DBP: variants seen among roughly 807,000 people sequenced by gnomAD.
DBP encodes D site-binding protein.
In DBP, 12 loss-of-function variants were observed where a neutral mutation model predicts 21.4. The ratio of observed to expected loss-of-function variants is 0.56; its 90% CI spans 0.36 to 0.91. The LOEUF is 0.91. Ranked by LOEUF, DBP falls within the 40% of genes least tolerant of loss-of-function variation. DBP has a pLI of 0.01. For synonymous variants in DBP, 213 were observed against 224.9 expected, an observed-to-expected ratio of 0.95 and a Z score of 0.47; for missense variants, 423 against 473.4, an observed-to-expected ratio of 0.89 and a Z score of 0.99.
rs567875372 is a variant in DBP, at chr19:48,636,873, G to T, written c.122C>A (p.Pro41His). ...LRSLLQGTSKPKEPASCLLKE... is the reference protein window; with the variant it reads ...LRSLLQGTSKHKEPASCLLKE... ...GAACTCACAGCTGGCCGGCTCTTTG[G>T]GCTTGCTGGTCCCCTGCAGAAGGCT... The change falls in exon 1 of 4, where the codon CCC becomes CAC. Residue 41 changes from proline to histidine, a missense_variant. Transcript: ENST00000222122. The T allele has an allele frequency of 1.2e-6, 2 of 1,610,084 alleles. No homozygotes were observed. Among genetic ancestry groups the T allele is most frequent in the East Asian group, 4.5e-5 (2 of 44,574 alleles).
chr19:48,637,235 G>C lies in DBP; in HGVS notation c.-241C>G, dbSNP rs1160436648. 1 of 411,450 alleles carries C rather than the reference G, an allele frequency of 2.4e-6. No individual in the cohort carries two copies. The highest frequency in any genetic ancestry group is 2.1e-5 in the African/African-American group (1 of 48,436). The allele number at this position is 411,450 out of a possible 1,614,324, so 25.5% of individuals were successfully genotyped here. The stretch of plus-strand genomic sequence containing the variant: ...GATCATGCAATCTGGGCGAGGGGGT[G>C]TCCAGATCAAGCGGTCGGCTCTTTG... On this transcript the variant is annotated 5_prime_UTR_variant, in exon 1 of 4. Coordinates refer to ENST00000222122, the MANE Select transcript of DBP (RefSeq NM_001352.5).
At chr19:48,633,757 G>A (rs1328064525) in intron 2 of DBP, 102 bp from the exon 3 acceptor site, 45 of 993,900 alleles carry the variant, frequency 4.5e-5, no homozygotes, top group Non-Finnish European at 9.3e-6. Flanking sequence ...AAGTCCTTCT[G>A]GGATCTAGCA....
chr19:48,635,555 A>C (rs924017539), intron 2 of DBP, 25 bp downstream of exon 2: 4 of 1,426,634 alleles, frequency 2.8e-6, no homozygotes, highest in Middle Eastern at 2.4e-4. Context: ...CCCCGTCAGG[A>C]CCCGCCCCGC....
chr19:48,634,855 A>C (rs2030726045), intron 2 of DBP: 1 of 985,514 alleles, frequency 1.0e-6, no homozygotes, highest in Non-Finnish European at 1.2e-6. Flanking sequence ...TCTTCCAGTC[A>C]CTTAGTTCCA....
In DBP at chr19:48,637,087, T is replaced by C. The variant is rs555252046; in HGVS notation, c.-93A>G. 9.0e-6 allele frequency: 11 copies of C among 1,228,134 alleles called. No individual in the cohort carries two copies. The African/African-American group carries it at 1.6e-4, about 17-fold the overall frequency. The allele number at this position is 1,228,134 out of a possible 1,614,324, so 76.1% of individuals were successfully genotyped here. ...CACACTCCAGTGGTTTGGACGAGTGTCTGCCCAGGGGCGGGCGAGTGTAGC... is the reference window on the plus strand; with the variant it reads ...CACACTCCAGTGGTTTGGACGAGTGCCTGCCCAGGGGCGGGCGAGTGTAGC... On this transcript the variant is annotated 5_prime_UTR_variant, in exon 1 of 4. Coordinates refer to ENST00000222122, the MANE Select transcript of DBP (RefSeq NM_001352.5).
In DBP at chr19:48,637,073, G is replaced by A; in HGVS notation, c.-79C>T. 7.6e-7 allele frequency: 1 copy of A among 1,319,560 alleles called. No homozygotes were observed. Among genetic ancestry groups the A allele is most frequent in the Admixed American group, 3.0e-5 (1 of 33,140 alleles). 81.7% of individuals were successfully genotyped at this position (1,319,560 alleles called of 1,614,324 possible). A position where few individuals can be genotyped will look rare whatever the true frequency, so the allele number is the denominator to read the frequency against. On this transcript the variant is annotated 5_prime_UTR_variant, in exon 1 of 4. Coordinates refer to ENST00000222122, the MANE Select transcript of DBP (RefSeq NM_001352.5). The stretch of plus-strand genomic sequence containing the variant: ...CTGCCAGTCACCAGCACACTCCAGT[G>A]GTTTGGACGAGTGTCTGCCCAGGGG...
At chr19:48,631,309 C>A in intron 3 of DBP, 1 of 530,354 alleles carries the variant, frequency 1.9e-6, no homozygotes, top group Non-Finnish European at 3.4e-6. Context: ...GCCCTCCCCA[C>A]ATGATAAAGG....
chr19:48,636,806 C>A (rs780823876), intron 1 of DBP, 50 bp downstream of exon 1: 1 of 1,598,914 alleles, frequency 6.3e-7, no homozygotes, highest in South Asian at 1.1e-5. Flanking sequence ...CACCTGAGTC[C>A]CTAAGGGGGT....
In DBP at chr19:48,636,904, A is replaced by T; in HGVS notation, c.91T>A (p.Leu31Met). 1 of 1,602,658 alleles carries T rather than the reference A, an allele frequency of 6.2e-7. No individual in the cohort carries two copies. Among genetic ancestry groups the T allele is most frequent in the Non-Finnish European group, 8.5e-7 (1 of 1,175,466 alleles). ...CTGGTCCCCTGCAGAAGGCTCCGCA[A>T]CCCAAGCAGCGCTCCCCCGCCAGGG... ...TPPGGGALLG[L>M]RSLLQGTSKP... Residue 31 changes from leucine (L) to methionine (M), a missense_variant, in exon 1 of 4, where the codon TTG becomes ATG. Leu to Met is a conservative substitution (Grantham distance 15). Transcript: ENST00000222122.
At position 48,637,342 on chromosome 19, in the gene DBP, A is replaced by C. The variant is rs2030851349; in HGVS notation, c.-348T>G. 3.7e-6 allele frequency: 1 copy of C among 273,036 alleles called. No homozygotes were observed. Among genetic ancestry groups the C allele is most frequent in the Non-Finnish European group, 6.9e-6 (1 of 145,730 alleles). 16.9% of individuals were successfully genotyped at this position (273,036 alleles called of 1,614,324 possible). ...CTCTTGCAAAATCTGCAGCTCTCGC[A>C]ACGGAAGGCGCTTTGCAATCTGCAC... On this transcript the variant is annotated 5_prime_UTR_variant, in exon 1 of 4. Coordinates refer to ENST00000222122, the MANE Select transcript of DBP (RefSeq NM_001352.5).
intron 2 of DBP, chr19:48,634,939 C>T: frequency 2.0e-6 from 2 of 985,768 alleles, no homozygotes; most frequent in Non-Finnish European, 2.4e-6. Context: ...AGAACCCCCG[C>T]CACTGGGCTA....
chr19:48,636,443 A>C, intron 1 of DBP, among the ~76,000 whole-genome samples: 1 of 151,586 alleles, frequency 6.6e-6, no homozygotes, highest in Non-Finnish European at 1.5e-5. Context: ...AAGGGGCTCT[A>C]TTCCTGGGGC....
chr19:48,634,725 G>A (rs2030720858), intron 2 of DBP: 2 of 985,450 alleles, frequency 2.0e-6, no homozygotes, highest in African/African-American at 1.7e-5. Context: ...CCGCTGGGAA[G>A]GGTAGGGCCC....
chr19:48,631,316 A>G (rs2030577199), intron 3 of DBP: 1 of 505,046 alleles, frequency 2.0e-6, no homozygotes, highest in Non-Finnish European at 3.6e-6. Flanking sequence ...CCACATGATA[A>G]AGGCCTGCAT....
In DBP at chr19:48,637,000, G is replaced by A. The variant is rs773393801; in HGVS notation, c.-6C>T. ...TCGCTCACAGGCCGCGCCATCGCCT[G>A]GCACCTGCCCCCAGGCTCACGGGTT... On this transcript the variant is annotated 5_prime_UTR_variant, in exon 1 of 4. Coordinates refer to ENST00000222122, the MANE Select transcript of DBP (RefSeq NM_001352.5). The A allele has an allele frequency of 1.3e-6, 2 of 1,490,024 alleles. No individual in the cohort carries two copies. Among genetic ancestry groups the A allele is most frequent in the Admixed American group, 4.7e-5 (2 of 42,968 alleles). 92.3% of individuals were successfully genotyped at this position (1,490,024 alleles called of 1,614,324 possible).
rs1221250237 is a variant in DBP, at chr19:48,630,416, C to T, written c.*421G>A. 7.1e-7 allele frequency: 1 copy of T among 1,416,856 alleles called. No homozygotes were observed. Among genetic ancestry groups the T allele is most frequent in the East Asian group, 2.6e-5 (1 of 38,004 alleles). 87.8% of individuals were successfully genotyped at this position (1,416,856 alleles called of 1,614,324 possible). A position where few individuals can be genotyped will look rare whatever the true frequency, so the allele number is the denominator to read the frequency against. ...GCTTCATTCCTCTCAGACCTTCTGC[C>T]CTTCCTCCATCCGACAGCCCGCGGG... On this transcript the variant is annotated 3_prime_UTR_variant, in exon 4 of 4. Coordinates refer to ENST00000222122, the MANE Select transcript of DBP (RefSeq NM_001352.5). The surrounding 1 kb of genome is among the most constrained non-coding windows in gnomAD (Gnocchi z 4.9).
chr19:48,633,584 C>T lies in DBP; in HGVS notation c.622G>A (p.Asp208Asn), dbSNP rs760378954. The stretch of plus-strand genomic sequence containing the variant: ...CTTGATAGGGCAAGATCAGCTGGGT[C>T]GGGTTCAAAGGTCATCAACACCTCC... Reference protein sequence around the residue: ...TVEVLMTFEPDPADLALSSIP... With the variant: ...TVEVLMTFEPNPADLALSSIP... Residue 208 changes from aspartate (D) to asparagine (N), a missense_variant, in exon 3 of 4, where the codon GAC becomes AAC. Around this residue, in one of 4 missense-constraint regions of DBP, gnomAD observed 77 missense variants for 97.1 expected, o/e 0.79. Coordinates refer to ENST00000222122, the MANE Select transcript of DBP (RefSeq NM_001352.5). The T allele has an allele frequency of 7.4e-6, 12 of 1,614,018 alleles. No homozygotes were observed. The highest frequency in any genetic ancestry group is 3.3e-5 in the Admixed American group (2 of 59,992).
chr19:48,636,348 C>T (rs2030797106), intron 1 of DBP, among the ~76,000 whole-genome samples: 1 of 152,090 alleles, frequency 6.6e-6, no homozygotes. Context: ...AAAATGACAG[C>T]TCTGTAATTT....
rs552724721 is a variant in DBP, at chr19:48,630,256, G to A, written c.*581C>T. 25 of 1,275,248 alleles carry A rather than the reference G, an allele frequency of 2.0e-5. No homozygotes were observed. The East Asian group carries it at 6.1e-4, about 31-fold the overall frequency. The allele number at this position is 1,275,248 out of a possible 1,614,324, so 79.0% of individuals were successfully genotyped here. On this transcript the variant is annotated 3_prime_UTR_variant, in exon 4 of 4. Transcript: ENST00000222122. The surrounding 1 kb of genome is among the most constrained non-coding windows in gnomAD (Gnocchi z 4.9). ...CAGGAGGGGCAGGTTCCCCGGGGCCGGCGCTAGGATTTGCACTAATGTTCC... is the reference window on the plus strand; with the variant it reads ...CAGGAGGGGCAGGTTCCCCGGGGCCAGCGCTAGGATTTGCACTAATGTTCC...
Sources: allele counts gnomAD v4.1 joint callset (sites outside exome capture counted in the v4.1 genomes callset), GRCh38; gene constraint gnomAD v4.1.1; regional missense constraint gnomAD v4.1.1; non-coding constraint Gnocchi (gnomAD v3.1); transcripts MANE v1.5; gene names NCBI Gene and HGNC (gene_info 2026-07-23, HGNC 2026-07-21).